The following PLCXD3 variants were observed in gnomAD, a reference collection of about 807,000 sequenced individuals.
The protein encoded by PLCXD3 is PI-PLC X domain-containing protein 3.
In PLCXD3, 19 loss-of-function variants were observed where a neutral mutation model predicts 25.5. The ratio of observed to expected loss-of-function variants is 0.75; its 90% CI spans 0.52 to 1.09. The LOEUF (loss-of-function observed/expected upper bound fraction) is 1.09, where lower values mean the gene tolerates loss of function less well. Among genes scored for constraint, PLCXD3 ranks in the 50% least tolerant of loss-of-function variants. The pLI is 0.00. For synonymous variants in PLCXD3, 174 were observed against 137.6 expected (o/e 1.26, Z -1.85); for missense variants, 411 against 388.1 (o/e 1.06, Z -0.50).
intron 2 of PLCXD3, among the ~76,000 whole-genome samples, chr5:41,358,713 T>A (rs1184022351): frequency 1.3e-5 from 2 of 152,214 alleles, no homozygotes; most frequent in Non-Finnish European, 2.9e-5. Flanking sequence ...TTTATTTCTT[T>A]CTCTTGTCTG....
At chr5:41,486,575 C>T (rs1391559474) in intron 1 of PLCXD3, among the ~76,000 whole-genome samples, 2 of 151,944 alleles carry the variant, frequency 1.3e-5, no homozygotes. Context: ...AGCTGAGCCT[C>T]AAATGGAAAG....
intron 2 of PLCXD3, among the ~76,000 whole-genome samples, chr5:41,332,870 CA>C (rs2092203583): frequency 6.6e-6 from 1 of 152,118 alleles, no homozygotes; most frequent in Non-Finnish European, 1.5e-5. Context: ...CGCATATTCT[CA>C]CTCATAGGTG....
chr5:41,448,748 G>A (rs1053476391), intron 1 of PLCXD3, among the ~76,000 whole-genome samples: 1 of 152,132 alleles, frequency 6.6e-6, no homozygotes, highest in African/African-American at 2.4e-5. Context: ...GAGAAGCTCA[G>A]TATAGTTAAT....
rs1315700586 is a variant in PLCXD3, at chr5:41,492,157, T to C, written c.103+18267A>G. On this transcript the variant is annotated intron_variant, in intron 1 of 2. Coordinates refer to ENST00000377801, the MANE Select transcript of PLCXD3 (RefSeq NM_001005473.3). The stretch of plus-strand genomic sequence containing the variant: ...GGTGACAAAATCTCTCAGCATTTGC[T>C]TGTCTGTAAAGTATTTTATTTCTCC... Among the ~76,000 whole-genome samples the C allele has an allele frequency of 5.3e-5, 8 of 152,288 alleles. No individual in the cohort carries two copies. The South Asian group carries it at 1.5e-3, about 28-fold the overall frequency.
At chr5:41,457,480 C>T (rs1471169963) in intron 1 of PLCXD3, among the ~76,000 whole-genome samples, 1 of 151,848 alleles carries the variant, frequency 6.6e-6, no homozygotes, top group African/African-American at 2.4e-5. Flanking sequence ...ATGATTGGAA[C>T]CCAGGAGTAC....
intron 2 of PLCXD3, among the ~76,000 whole-genome samples, chr5:41,344,474 T>A (rs1407948510): frequency 6.6e-6 from 1 of 152,170 alleles, no homozygotes; most frequent in East Asian, 1.9e-4. Flanking sequence ...GAAATCCATT[T>A]TCATTTGTCA....
intron 1 of PLCXD3, among the ~76,000 whole-genome samples, chr5:41,406,559 G>C (rs1347480224): frequency 1.3e-5 from 2 of 152,038 alleles, no homozygotes; most frequent in African/African-American, 4.8e-5. Context: ...CACTCAATCA[G>C]TCTTGAAGTT....
chr5:41,403,401 G>GTTTTTTTTTT (rs769067580), intron 1 of PLCXD3, among the ~76,000 whole-genome samples: 1 of 18,410 alleles, frequency 5.4e-5, no homozygotes, highest in Non-Finnish European at 1.4e-4. Flanking sequence ...CTTATTTGTT[G>GTTTTTTTTTT]TTTTTTTTTT....
intron 2 of PLCXD3, among the ~76,000 whole-genome samples, chr5:41,370,766 T>G (rs776341962): frequency 1.5e-4 from 23 of 152,140 alleles, no homozygotes; most frequent in Non-Finnish European, 3.2e-4. Context: ...CCTCCCTCTG[T>G]GAAAGAGGAC....
At chr5:41,507,626 A>G (rs2111599573) in intron 1 of PLCXD3, among the ~76,000 whole-genome samples, 1 of 152,308 alleles carries the variant, frequency 6.6e-6, no homozygotes, top group Non-Finnish European at 1.5e-5. Context: ...ACTCTGGGCA[A>G]TCTGGGTCAG....
At chr5:41,498,533 T>A (rs1020125707) in intron 1 of PLCXD3, among the ~76,000 whole-genome samples, 1 of 151,630 alleles carries the variant, frequency 6.6e-6, no homozygotes, top group African/African-American at 2.4e-5. Flanking sequence ...CTAAAATCTC[T>A]CAACAAAGAA....
At chr5:41,427,838 A>C (rs556774695) in intron 1 of PLCXD3, among the ~76,000 whole-genome samples, 1 of 152,290 alleles carries the variant, frequency 6.6e-6, no homozygotes, top group East Asian at 1.9e-4. Context: ...CAATTGAAGC[A>C]CCACTAGCAA....
chr5:41,333,856 A>C (rs981285980), intron 2 of PLCXD3, among the ~76,000 whole-genome samples: 2 of 152,164 alleles, frequency 1.3e-5, no homozygotes, highest in Middle Eastern at 3.2e-3. Flanking sequence ...GGCACAGCTA[A>C]AGAAAACATT....
chr5:41,390,479 T>C (rs186166861), intron 1 of PLCXD3, among the ~76,000 whole-genome samples: 2 of 152,280 alleles, frequency 1.3e-5, no homozygotes, highest in Admixed American at 1.3e-4. Flanking sequence ...AAGCAATATA[T>C]CAGAGTTCCA....
intron 2 of PLCXD3, among the ~76,000 whole-genome samples, chr5:41,325,316 A>C (rs991550912): frequency 6.6e-6 from 1 of 152,242 alleles, no homozygotes. Context: ...ATGCCAAGTT[A>C]AATCTCAAAT....
intron 2 of PLCXD3, among the ~76,000 whole-genome samples, chr5:41,323,606 C>A (rs1272424183): frequency 2.6e-5 from 4 of 152,168 alleles, no homozygotes; most frequent in African/African-American, 9.7e-5. Flanking sequence ...AGTTTGACTT[C>A]AGTGTAGACA....
At chr5:41,359,157 G>A (rs1324129170) in intron 2 of PLCXD3, among the ~76,000 whole-genome samples, 1 of 152,092 alleles carries the variant, frequency 6.6e-6, no homozygotes, top group Admixed American at 6.6e-5. Context: ...ATGTTCATCA[G>A]GGATTTGGTA....
chr5:41,370,761 C>T (rs1447432356), intron 2 of PLCXD3, among the ~76,000 whole-genome samples: 1 of 152,160 alleles, frequency 6.6e-6, no homozygotes, highest in African/African-American at 2.4e-5. Context: ...ATATGCCTCC[C>T]TCTGTGAAAG....
chr5:41,469,719 G>GA (rs1283180290), intron 1 of PLCXD3, among the ~76,000 whole-genome samples: 3 of 152,094 alleles, frequency 2.0e-5, no homozygotes, highest in Non-Finnish European at 2.9e-5. Flanking sequence ...TAATAAATGG[G>GA]AAAAAACTAA....
Sources: allele counts gnomAD v4.1 joint callset (sites outside exome capture counted in the v4.1 genomes callset), GRCh38; gene constraint gnomAD v4.1.1; transcripts MANE v1.5; gene names NCBI Gene and HGNC (gene_info 2026-07-23, HGNC 2026-07-21).